Variants in PDCD11 observed in about 807,000 individuals in gnomAD.
PDCD11 encodes the protein programmed cell death 11, also known as protein RRP5 homolog.
In PDCD11, 97 loss-of-function variants were observed where a neutral mutation model predicts 198.9. The ratio of observed to expected loss-of-function variants is 0.49; its 90% confidence interval spans 0.41 to 0.58. PDCD11 has a LOEUF of 0.58. PDCD11 is among the 20% of genes least tolerant of loss of function. PDCD11 has a pLI of 0.00. For missense variants in PDCD11, 2,102 were observed against 2,312.7 expected, an observed-to-expected ratio of 0.91 and a Z score of 1.87; for synonymous variants, 893 against 918.0, an observed-to-expected ratio of 0.97 and a Z score of 0.49.
chr10:103,404,873 A>G (rs766910348), intron 4 of PDCD11, 149 bp from the exon 5 acceptor site: 4 of 634,536 alleles, frequency 6.3e-6, no homozygotes, highest in Non-Finnish European at 1.1e-5. Context: ...CACAGACCCA[A>G]CTTCCTTTGT....
In PDCD11 at chr10:103,400,525, T is replaced by C; in HGVS notation, c.231T>C (p.Val77=). The change falls in exon 3 of 36, where the codon GTT becomes GTC. Residue 77 remains valine, a synonymous_variant. Coordinates refer to ENST00000369797, the MANE Select transcript of PDCD11 (RefSeq NM_014976.2). The part of the protein sequence containing the change: ...SAREKFEILS[V]ESLCEGMRIL... Reference sequence around the variant, plus strand: ...GAGAGAAGTTTGAAATCCTTAGTGTTGAGGTTTGTTAAAGTTGGTTTTCAT... The same window carrying C: ...GAGAGAAGTTTGAAATCCTTAGTGTCGAGGTTTGTTAAAGTTGGTTTTCAT... The C allele has an allele frequency of 6.2e-7, 1 of 1,611,174 alleles. No individual in the cohort carries two copies. Among genetic ancestry groups the C allele is most frequent in the Non-Finnish European group, 8.5e-7 (1 of 1,179,190 alleles).
rs1218646501 is a variant in PDCD11 at position 103,421,571 on chromosome 10, G to T, written c.2497+4G>T. 6.4e-7 allele frequency: 1 copy of T among 1,552,322 alleles called. No individual in the cohort carries two copies. Among genetic ancestry groups the T allele is most frequent in the South Asian group, 1.2e-5 (1 of 84,312 alleles). On this transcript the variant is annotated splice_donor_region_variant and intron_variant, in intron 17 of 35. Transcript: ENST00000369797. The stretch of plus-strand genomic sequence containing the variant: ...CGCAGCCTTATGAGCAACCGAGGTG[G>T]GGCACCTGTGGGGCAGGGGAGGTGG...
At chr10:103,430,409 A>C (rs764161259) in intron 21 of PDCD11, among the ~76,000 whole-genome samples, 4 of 152,248 alleles carry the variant, frequency 2.6e-5, no homozygotes, top group Non-Finnish European at 4.4e-5. Context: ...TATTGTGAAT[A>C]GTGCTGCATT....
Position 103,445,779 on chromosome 10 carries a change from T to C in PDCD11, c.*230T>C. 1 of 470,650 alleles carries C rather than the reference T, an allele frequency of 2.1e-6. No individual in the cohort carries two copies. Among genetic ancestry groups the C allele is most frequent in the African/African-American group, 1.9e-5 (1 of 51,652 alleles). The allele number at this position is 470,650 out of a possible 1,614,324, so 29.2% of individuals were successfully genotyped here. A position where few individuals can be genotyped will look rare whatever the true frequency, so the allele number is the denominator to read the frequency against. On this transcript the variant is annotated 3_prime_UTR_variant, in exon 36 of 36. Coordinates refer to ENST00000369797, the MANE Select transcript of PDCD11 (RefSeq NM_014976.2). Reference sequence around the variant, plus strand: ...TGTTATCTTTTTCCTTATCTGAGGCTACCTGGGGATTGTGGGCAGCAGGCC... The same window carrying C: ...TGTTATCTTTTTCCTTATCTGAGGCCACCTGGGGATTGTGGGCAGCAGGCC...
chr10:103,405,908 A>G, intron 5 of PDCD11, 77 bp from the exon 6 acceptor site: 4 of 1,502,386 alleles, frequency 2.7e-6, no homozygotes, highest in Non-Finnish European at 3.7e-6. Context: ...AGTGGCAGGA[A>G]CATTCAAGTT....
chr10:103,445,275 A>C, intron 35 of PDCD11, 103 bp from the exon 36 acceptor site: 1 of 1,005,460 alleles, frequency 9.9e-7, no homozygotes, highest in Non-Finnish European at 1.5e-6. Context: ...CCTGGATGGG[A>C]GAGGGTCCTG....
Position 103,414,349 on chromosome 10 carries a change from A to C in PDCD11, c.1371+19A>C, listed in dbSNP as rs1385774479. 6.3e-7 allele frequency: 1 copy of C among 1,587,660 alleles called. No homozygotes were observed. The highest frequency in any genetic ancestry group is 1.1e-5 in the South Asian group (1 of 90,412). On this transcript the variant is annotated intron_variant, in intron 11 of 35. Transcript: ENST00000369797. ...GGTAAAGGTAAGACCTCAAGCATAT[A>C]ATTAGGTACTGCCTCACCATCAGGC...
intron 3 of PDCD11, among the ~76,000 whole-genome samples, chr10:103,402,324 A>G (rs2030146570): frequency 6.6e-6 from 1 of 152,232 alleles, no homozygotes; most frequent in Non-Finnish European, 1.5e-5. Flanking sequence ...ACACTGTTGT[A>G]TAATCTAGAC....
At chr10:103,425,837 G>C (rs992181518) in intron 20 of PDCD11, among the ~76,000 whole-genome samples, 1 of 151,978 alleles carries the variant, frequency 6.6e-6, no homozygotes, top group Non-Finnish European at 1.5e-5. Context: ...CCACCACCAC[G>C]CCCGGCTAAC....
chr10:103,418,487 G>A lies in PDCD11; in HGVS notation c.1959G>A (p.Val653=). ...VLEKTKDGLE[V]AVLPHNIRAF... is the part of the protein sequence containing the mutation. ...AGAAGACCAAAGATGGGCTGGAGGT[G>A]GCTGTCCTGCCCCACAACATCCGTG... Residue 653 remains valine (V), a synonymous_variant, in exon 15 of 36, where the codon GTG becomes GTA. Transcript: ENST00000369797. The A allele has an allele frequency of 1.2e-6, 2 of 1,614,152 alleles. No homozygotes were observed. Among genetic ancestry groups the A allele is most frequent in the Non-Finnish European group, 8.5e-7 (1 of 1,180,002 alleles).
chr10:103,427,066 G>A (rs527254806), intron 20 of PDCD11, among the ~76,000 whole-genome samples: 3 of 152,120 alleles, frequency 2.0e-5, no homozygotes, highest in African/African-American at 4.8e-5. Context: ...CCATGATTGC[G>A]CCACTGCATT....
intron 1 of PDCD11, among the ~76,000 whole-genome samples, chr10:103,397,058 TC>T (rs1369138923): frequency 1.3e-5 from 2 of 152,190 alleles, no homozygotes; most frequent in Admixed American, 1.3e-4. Context: ...TGATTCCATA[TC>T]CTTGGCCCCA....
In PDCD11 at chr10:103,403,158, A is replaced by T; in HGVS notation, c.275A>T (p.Glu92Val). 6.2e-7 allele frequency: 1 copy of T among 1,614,172 alleles called. No individual in the cohort carries two copies. Among genetic ancestry groups the T allele is most frequent in the Non-Finnish European group, 8.5e-7 (1 of 1,180,016 alleles). The change falls in exon 4 of 36, where the codon GAG becomes GTG. Residue 92 changes from glutamate (E) to valine (V), a missense_variant. By Grantham distance (121) the Glu-to-Val change is moderately radical (BLOSUM62 -2). Transcript: ENST00000369797. The part of the protein sequence containing the change: ...EGMRILGCVK[E>V]VNELELVISL... ...ATGCGTATTTTGGGTTGCGTGAAAG[A>T]GGTGAATGAACTGGAACTGGTGATT...
rs575334338 is a variant in PDCD11 at position 103,434,035 on chromosome 10, A to G, written c.3562A>G (p.Lys1188Glu). 2 of 1,612,352 alleles carry G rather than the reference A, an allele frequency of 1.2e-6. No homozygotes were observed. Among genetic ancestry groups the G allele is most frequent in the Admixed American group, 1.7e-5 (1 of 60,026 alleles). ...CTTATTGCTCACTTCTCTGAGCTTC[A>G]AGGTCAGTGTGCTTGAGATCCCTGG... The part of the protein sequence containing the change: ...IPLLLTSLSF[K>E]VLKHPDKKFR... Residue 1188 changes from lysine (K) to glutamate (E), a missense_variant and splice_region_variant, in exon 23 of 36, where the codon AAG (lysine) becomes GAG (glutamate). Physicochemically the swap from Lys to Glu is moderately conservative, Grantham distance 56. Coordinates refer to ENST00000369797, the MANE Select transcript of PDCD11 (RefSeq NM_014976.2).
At chr10:103,409,628 T>C (rs2030673055) in intron 7 of PDCD11, 71 bp from the exon 8 acceptor site, 6 of 1,003,620 alleles carry the variant, frequency 6.0e-6, no homozygotes, top group Non-Finnish European at 9.6e-6. Flanking sequence ...GAGTGTTTAC[T>C]GTGAGCAATG....
chr10:103,404,937 A>T (rs137912363), intron 4 of PDCD11, 85 bp from the exon 5 acceptor site: 1 of 1,297,758 alleles, frequency 7.7e-7, no homozygotes, highest in African/African-American at 1.5e-5. Flanking sequence ...TCTGAGGATG[A>T]GAAGTCACTG....
rs986041067 is a variant in PDCD11, at chr10:103,425,053, G to T, written c.2833G>T (p.Val945Leu). ...GAAGTCCTTTGCCATTGCCTCCTTG[G>T]TAGAGACGGGCCACCTGGCAGCTTT... ...LEKSFAIASL[V>L]ETGHLAAFSL... is the part of the protein sequence containing the mutation. Residue 945 changes from valine to leucine, a missense_variant, in exon 20 of 36, where the codon GTA (valine) becomes TTA (leucine). Physicochemically the swap from Val to Leu is conservative, Grantham distance 32. Coordinates refer to ENST00000369797, the MANE Select transcript of PDCD11 (RefSeq NM_014976.2). 29 of 1,614,104 alleles carry T rather than the reference G, an allele frequency of 1.8e-5. No individual in the cohort carries two copies. The highest frequency in any genetic ancestry group is 9.3e-5 in the African/African-American group (7 of 74,928).
chr10:103,418,755 A>G (rs2031259965), intron 15 of PDCD11, 121 bp downstream of exon 15: 4 of 781,766 alleles, frequency 5.1e-6, no homozygotes, highest in Non-Finnish European at 2.0e-6. Context: ...AAACCAAACC[A>G]GTGATGAAGC....
Position 103,445,473 on chromosome 10 carries a change from C to T in PDCD11, c.5540C>T (p.Thr1847Ile), listed in dbSNP as rs762572894. 6.2e-7 allele frequency: 1 copy of T among 1,614,176 alleles called. No individual in the cohort carries two copies. The highest frequency in any genetic ancestry group is 2.2e-5 in the East Asian group (1 of 44,880). The change falls in exon 36 of 36, where the codon ACT becomes ATT. Residue 1847 changes from threonine to isoleucine, a missense_variant. Thr to Ile is a moderately conservative substitution (Grantham distance 89). Coordinates refer to ENST00000369797, the MANE Select transcript of PDCD11 (RefSeq NM_014976.2). ...CTGGACTACGAGAAGCAGCATGGCA[C>T]TGAGAAGGATGTGCAGGCAGTCAAG... is the stretch of plus-strand genomic sequence containing the variant. ...RYLDYEKQHG[T>I]EKDVQAVKAK...
Sources: allele counts gnomAD v4.1 joint callset (sites outside exome capture counted in the v4.1 genomes callset), GRCh38; gene constraint gnomAD v4.1.1; transcripts MANE v1.5; gene names NCBI Gene and HGNC (gene_info 2026-07-23, HGNC 2026-07-21).